GALNT11: variants seen among roughly 807,000 people sequenced by gnomAD.
The protein encoded by GALNT11 is UDP-GalNAc:polypeptide N-acetylgalactosaminyltransferase 11.
GALNT11 carries 47 observed loss-of-function variants against 72.7 expected under a neutral mutation model. The observed-to-expected ratio is 0.65, with a 90% CI of 0.51 to 0.82. GALNT11 has a LOEUF of 0.82. GALNT11 is among the 40% of genes least tolerant of loss of function. GALNT11 has a pLI of 0.00. For synonymous variants in GALNT11, 270 were observed against 286.6 expected, an observed-to-expected ratio of 0.94 and a Z score of 0.58; for missense variants, 677 against 778.4, an observed-to-expected ratio of 0.87 and a Z score of 1.55.
At chr7:152,088,687 G>A (rs2085810692) in intron 1 of GALNT11, among the ~76,000 whole-genome samples, 1 of 152,082 alleles carries the variant, frequency 6.6e-6, no homozygotes, top group South Asian at 2.1e-4. Context: ...AAAACCATCT[G>A]TTCCTTAGAT....
At chr7:152,039,756 G>T (rs1387787782) in intron 1 of GALNT11, among the ~76,000 whole-genome samples, 1 of 152,066 alleles carries the variant, frequency 6.6e-6, no homozygotes, top group African/African-American at 2.4e-5. Flanking sequence ...TGTTGATTTG[G>T]TCCTGGAGAA....
intron 3 of GALNT11, among the ~76,000 whole-genome samples, chr7:152,102,227 G>GA (rs1293414827): frequency 7.3e-5 from 11 of 151,656 alleles, no homozygotes; most frequent in Non-Finnish European, 1.5e-4. Flanking sequence ...TTCCAAAAAA[G>GA]AAAAAAAACC....
At chr7:152,080,374 T>C (rs1372740081) in intron 1 of GALNT11, among the ~76,000 whole-genome samples, 1 of 152,196 alleles carries the variant, frequency 6.6e-6, no homozygotes, top group Non-Finnish European at 1.5e-5. Context: ...AGTTTCTGTC[T>C]AAGAAATTTT....
intron 1 of GALNT11, chr7:152,027,784 CAG>C (rs2082099166): frequency 6.1e-6 from 1 of 163,908 alleles, no homozygotes; most frequent in Non-Finnish European, 1.3e-5. Flanking sequence ...CAGATGTGTC[CAG>C]AGTTTCTTCC....
At chr7:152,028,151 A>C (rs927004526) in intron 1 of GALNT11, among the ~76,000 whole-genome samples, 1 of 152,192 alleles carries the variant, frequency 6.6e-6, no homozygotes, top group Admixed American at 6.5e-5. Context: ...CTTCCACAGC[A>C]TGGAAGGGGA....
intron 7 of GALNT11, 108 bp downstream of exon 7, chr7:152,110,753 T>G: frequency 5.8e-6 from 5 of 867,884 alleles, no homozygotes; most frequent in East Asian, 2.7e-5. Context: ...TTTTTCGAGA[T>G]AGGGTCTTTC....
chr7:152,040,761 C>T lies in GALNT11; in HGVS notation c.-39+14877C>T, dbSNP rs1028418652. On this transcript the variant is annotated intron_variant, in intron 1 of 11. Coordinates refer to ENST00000430044, the MANE Select transcript of GALNT11 (RefSeq NM_022087.4). ...TAGGCATATTAAAAGCAGTCAATAC[C>T]TCAATTACAGCTACGAGCTCTGCTT... Among the ~76,000 whole-genome samples, 6 of 152,174 alleles carry T rather than the reference C, an allele frequency of 3.9e-5. No individual in the cohort carries two copies. The South Asian group carries it at 8.3e-4, about 21-fold the overall frequency.
At chr7:152,034,111 G>A (rs973287359) in intron 1 of GALNT11, among the ~76,000 whole-genome samples, 6 of 152,200 alleles carry the variant, frequency 3.9e-5, no homozygotes, top group Non-Finnish European at 8.8e-5. Context: ...ACAACTTGAA[G>A]GGGACATAAC....
intron 4 of GALNT11, chr7:152,103,753 ACCT>A (rs1329485682): frequency 2.0e-5 from 3 of 153,816 alleles, no homozygotes; most frequent in African/African-American, 7.3e-5. Flanking sequence ...TTCTAGTCAC[ACCT>A]CCTGCTTTCC....
intron 1 of GALNT11, among the ~76,000 whole-genome samples, chr7:152,057,353 C>G (rs1241309215): frequency 6.7e-6 from 1 of 149,404 alleles, no homozygotes; most frequent in African/African-American, 2.5e-5. Flanking sequence ...GTTGCCCAGG[C>G]TGGAGTGCAG....
chr7:152,032,820 C>T (rs2082366900), intron 1 of GALNT11, among the ~76,000 whole-genome samples: 1 of 152,148 alleles, frequency 6.6e-6, no homozygotes, highest in African/African-American at 2.4e-5. Context: ...GCTAACATAT[C>T]CCTCCCTAAT....
At chr7:152,106,074 C>T (rs957732953) in intron 5 of GALNT11, among the ~76,000 whole-genome samples, 19 of 152,050 alleles carry the variant, frequency 1.2e-4, no homozygotes. Flanking sequence ...TGTAATTGGT[C>T]TCCCTGAGTT....
At chr7:152,107,120 A>T (rs1177647132) in intron 5 of GALNT11, 1 of 152,190 alleles carries the variant, frequency 6.6e-6, no homozygotes, top group East Asian at 1.9e-4. Flanking sequence ...TGCTTTAAGT[A>T]GTTCATGTAA....
At chr7:152,052,175 A>G (rs1054973410) in intron 1 of GALNT11, among the ~76,000 whole-genome samples, 1 of 152,168 alleles carries the variant, frequency 6.6e-6, no homozygotes, top group South Asian at 2.1e-4. Flanking sequence ...ATGCTGTAAC[A>G]TGCATTATAC....
chr7:152,105,461 A>AG, intron 5 of GALNT11, 91 bp downstream of exon 5: 2 of 1,508,522 alleles, frequency 1.3e-6, no homozygotes, highest in Non-Finnish European at 1.8e-6. Flanking sequence ...GTCTATGAAG[A>AG]GTAGTGTTTC....
chr7:152,039,829 G>A (rs1396542154), intron 1 of GALNT11, among the ~76,000 whole-genome samples: 1 of 152,166 alleles, frequency 6.6e-6, no homozygotes, highest in East Asian at 1.9e-4. Flanking sequence ...TTGTTATTGG[G>A]TCTCTCCACC....
chr7:152,116,827 T>G, intron 8 of GALNT11: 4 of 473,574 alleles, frequency 8.4e-6, no homozygotes, highest in South Asian at 6.6e-5. Context: ...GTGTTTGTAA[T>G]GAGTATTTAA....
intron 8 of GALNT11, 120 bp downstream of exon 8, chr7:152,113,518 G>A (rs2129065859): frequency 1.8e-6 from 2 of 1,121,682 alleles, no homozygotes; most frequent in Middle Eastern, 2.9e-4. Context: ...CTTCACCTTA[G>A]GGCCAACTCT....
At chr7:152,112,059 CAG>C (rs2088281223) in intron 7 of GALNT11, among the ~76,000 whole-genome samples, 1 of 150,698 alleles carries the variant, frequency 6.6e-6, no homozygotes, top group Non-Finnish European at 1.5e-5. Context: ...ATGGTGTAGA[CAG>C]TCTTTGGGAA....
Sources: gnomAD v4.1 joint callset for allele counts (sites outside exome capture counted in the v4.1 genomes callset) on GRCh38, gnomAD v4.1.1 for gene constraint, MANE v1.5 for transcripts, NCBI Gene and HGNC (gene_info 2026-07-23, HGNC 2026-07-21) for gene names.